Variants in RSPH10B2 observed in about 807,000 individuals in gnomAD.
The protein encoded by RSPH10B2 is radial spoke head 10 homolog B2 (Chlamydomonas).
In RSPH10B2, 9 loss-of-function variants were observed where a neutral mutation model predicts 49.0. The observed-to-expected ratio is 0.18, with a 90% CI of 0.11 to 0.32. The LOEUF (loss-of-function observed/expected upper bound fraction) is 0.32, where lower values mean the gene tolerates loss of function less well. Among genes scored for constraint, RSPH10B2 ranks in the 10% least tolerant of loss-of-function variants. RSPH10B2 has a pLI of 1.00. For missense variants in RSPH10B2, 95 were observed against 589.9 expected, an observed-to-expected ratio of 0.16 and a Z score of 8.69; for synonymous variants, 35 against 210.2, an observed-to-expected ratio of 0.17 and a Z score of 7.21.
At chr7:6,758,883 C>T (rs1308986408) in intron 1 of RSPH10B2, among the ~76,000 whole-genome samples, 2 of 137,718 alleles carry the variant, frequency 1.5e-5, no homozygotes, top group Non-Finnish European at 3.2e-5. Flanking sequence ...AAAAAAACCC[C>T]GAAATGCCTT....
At chr7:6,791,680 G>C (rs1782338497) in intron 16 of RSPH10B2, among the ~76,000 whole-genome samples, 1 of 142,958 alleles carries the variant, frequency 7.0e-6, no homozygotes, top group East Asian at 2.8e-4. Flanking sequence ...AGAGGCGGAG[G>C]CTGCAGTGAG....
chr7:6,795,494 C>T (rs573199391), intron 17 of RSPH10B2, among the ~76,000 whole-genome samples: 2,307 of 96,368 alleles, frequency 0.024, 85 homozygotes, highest in African/African-American at 0.085. Context: ...AGACCTAGGC[C>T]GGGTGCAGAG....
At chr7:6,758,719 C>T in intron 1 of RSPH10B2, among the ~76,000 whole-genome samples, 1 of 117,206 alleles carries the variant, frequency 8.5e-6, no homozygotes, top group East Asian at 2.6e-4. Context: ...GTGACATGTG[C>T]CTGTAATCCC....
chr7:6,783,038 CT>C (rs879776638), intron 13 of RSPH10B2, among the ~76,000 whole-genome samples: 227 of 119,590 alleles, frequency 1.9e-3, no homozygotes, highest in Non-Finnish European at 1.7e-3. Flanking sequence ...TTCCATGATA[CT>C]TTTTTTTTTT....
intron 6 of RSPH10B2, 62 bp downstream of exon 8, chr7:6,766,939 A>G (rs1781477318): frequency 1.8e-6 from 2 of 1,117,974 alleles, no homozygotes; most frequent in East Asian, 4.7e-5. Context: ...TTCTCAACAC[A>G]TGTATATTTC....
At position 6,784,691 on chromosome 7, in the gene RSPH10B2, G is replaced by A. The variant is rs570265774; in HGVS notation, c.1759-1258G>A. 1.5e-4 allele frequency among the ~76,000 whole-genome samples: 20 copies of A among 129,218 alleles called. 4 individuals carry two copies. The highest frequency in any genetic ancestry group is 4.4e-4 in the African/African-American group (14 of 31,588). 84.8% of individuals were successfully genotyped at this position (129,218 alleles called of 152,430 possible). ...AGTGATTCCCTTGCCTCAGCCTCCC[G>A]AGTAGCTGGGACTACAGGCACATGC... On this transcript the variant is annotated intron_variant, in intron 13 of 18. Transcript: ENST00000297186.
At chr7:6,764,680 G>A (rs1357914155) in intron 4 of RSPH10B2, among the ~76,000 whole-genome samples, 3 of 151,814 alleles carry the variant, frequency 2.0e-5, no homozygotes, top group South Asian at 2.1e-4. Flanking sequence ...TGCTTTAATA[G>A]GCTATTTATT....
intron 17 of RSPH10B2, among the ~76,000 whole-genome samples, chr7:6,793,975 TGGG>T (rs1419231145): frequency 6.6e-6 from 1 of 152,074 alleles, no homozygotes; most frequent in African/African-American, 2.4e-5. Flanking sequence ...CTAGGCATCT[TGGG>T]GGGCTGTGTA....
At chr7:6,792,780 T>C (rs1782394766) in intron 17 of RSPH10B2, among the ~76,000 whole-genome samples, 1 of 118,760 alleles carries the variant, frequency 8.4e-6, no homozygotes, top group African/African-American at 3.3e-5. Flanking sequence ...TTCTTTTCTT[T>C]TTCTTTTTTT....
intron 6 of RSPH10B2, 110 bp downstream of exon 8, chr7:6,766,987 G>C: frequency 9.3e-7 from 1 of 1,079,694 alleles, no homozygotes; most frequent in Non-Finnish European, 1.2e-6. Flanking sequence ...TTGAGACAGA[G>C]TCTCTCTCTG....
At chr7:6,764,574 T>A (rs1207361275) in intron 4 of RSPH10B2, among the ~76,000 whole-genome samples, 3 of 149,124 alleles carry the variant, frequency 2.0e-5, no homozygotes, top group Non-Finnish European at 4.5e-5. Flanking sequence ...TTGGCCAGGG[T>A]GGTCTTGAAC....
In RSPH10B2 at chr7:6,797,866, T is replaced by TACACAC. The variant is rs753716997; in HGVS notation, c.2433-480_2433-475dup. 2.3e-4 allele frequency among the ~76,000 whole-genome samples: 15 copies of TACACAC among 65,728 alleles called. 4 individuals carry two copies. The highest frequency in any genetic ancestry group is 8.2e-4 in the African/African-American group (11 of 13,364). The allele number at this position is 65,728 out of a possible 152,430, so 43.1% of individuals were successfully genotyped here. On this transcript the variant is annotated intron_variant, in intron 18 of 18. Coordinates refer to ENST00000297186, the Ensembl canonical transcript of RSPH10B2. ...AGACCCTATCTCAAAAAAAAAAAAA[T>TACACAC]ACACACACACACACACACACACGTA...
intron 9 of RSPH10B2, among the ~76,000 whole-genome samples, chr7:6,774,182 CTT>C (rs1304105410): frequency 1.2e-4 from 6 of 49,718 alleles, no homozygotes; most frequent in Non-Finnish European, 1.1e-4. Flanking sequence ...AATATTGCTC[CTT>C]TTTTTTTTTT....
chr7:6,782,281 C>A (rs1285280212), intron 13 of RSPH10B2, among the ~76,000 whole-genome samples: 1 of 144,958 alleles, frequency 6.9e-6, no homozygotes, highest in Non-Finnish European at 1.5e-5. Flanking sequence ...TACAGCGGGG[C>A]ACCCCTGTAA....
chr7:6,792,835 C>T (rs1337051941), intron 17 of RSPH10B2, among the ~76,000 whole-genome samples: 1 of 116,266 alleles, frequency 8.6e-6, no homozygotes, highest in Non-Finnish European at 1.7e-5. Flanking sequence ...TGCAGTGGTG[C>T]CATCATAGCT....
Position 6,781,885 on chromosome 7 carries a change from A to T in RSPH10B2, c.1758+409A>T, listed in dbSNP as rs866438774. 1.2e-4 allele frequency among the ~76,000 whole-genome samples: 12 copies of T among 104,302 alleles called. 2 individuals are homozygous for T. The South Asian group carries it at 1.8e-3, about 16-fold the overall frequency. 68.4% of individuals were successfully genotyped at this position (104,302 alleles called of 152,430 possible). On this transcript the variant is annotated intron_variant, in intron 13 of 18. Transcript: ENST00000297186. The stretch of plus-strand genomic sequence containing the variant: ...GTCTTAAAAAATATATATATATATA[A>T]ATATATATATAATAAATATATATAT...
chr7:6,786,178 C>CTTT (rs1266902018), intron 14 of RSPH10B2, 122 bp downstream of exon 16: 17,001 of 137,252 alleles, frequency 0.12, 199 homozygotes, highest in Admixed American at 0.15. Flanking sequence ...TTCACTGATG[C>CTTT]TTTTTTTTTT....
chr7:6,758,243 GTGCTGGGATTAC>G (rs1166443807), intron 1 of RSPH10B2, among the ~76,000 whole-genome samples: 1,522 of 149,470 alleles, frequency 0.01, no homozygotes, highest in African/African-American at 0.036. Context: ...GCCTCCCAAA[GTGCTGGGATTAC>G]AGGCGTAAGC....
intron 16 of RSPH10B2, among the ~76,000 whole-genome samples, chr7:6,791,445 G>T (rs1782324514): frequency 6.7e-6 from 1 of 148,818 alleles, no homozygotes; most frequent in South Asian, 2.2e-4. Flanking sequence ...TTTTATTCAG[G>T]TTAAAATAGT....
Sources: gnomAD v4.1 joint callset for allele counts (sites outside exome capture counted in the v4.1 genomes callset) on GRCh38, gnomAD v4.1.1 for gene constraint, MANE v1.5 for transcripts, NCBI Gene and HGNC (gene_info 2026-07-23, HGNC 2026-07-21) for gene names.